Variants in DNER observed in about 807,000 individuals in gnomAD.
The protein encoded by DNER is delta/notch like EGF repeat containing, also known as delta and Notch-like epidermal growth factor-related receptor.
Under a neutral mutation model 78.2 loss-of-function variants are expected in DNER, and 33 were observed. That is an observed-to-expected ratio of 0.42 (90% CI 0.32 to 0.56). The LOEUF (loss-of-function observed/expected upper bound fraction) is 0.56. DNER is among the 20% of genes least tolerant of loss of function. DNER has a pLI of 0.11. For synonymous variants in DNER, 417 were observed against 384.8 expected, an observed-to-expected ratio of 1.08 and a Z score of -0.98; for missense variants, 918 against 975.3, an observed-to-expected ratio of 0.94 and a Z score of 0.78.
intron 6 of DNER, among the ~76,000 whole-genome samples, chr2:229,504,365 A>G (rs1987685): frequency 0.4 from 60,398 of 151,766 alleles, 12,148 homozygotes; most frequent in South Asian, 0.47. Flanking sequence ...GATTACAGGC[A>G]CCCACCACCA....
At chr2:229,698,031 GTATC>G (rs1699688044) in intron 1 of DNER, among the ~76,000 whole-genome samples, 10 of 152,006 alleles carry the variant, frequency 6.6e-5, no homozygotes, top group African/African-American at 2.4e-4. Flanking sequence ...AAGGACCCCC[GTATC>G]TACAAAAATA....
intron 4 of DNER, among the ~76,000 whole-genome samples, chr2:229,581,744 C>T (rs879420216): frequency 3.9e-5 from 6 of 152,156 alleles, no homozygotes; most frequent in African/African-American, 1.4e-4. Flanking sequence ...ATTAGGCTCT[C>T]GGCAATAAAC....
chr2:229,551,565 CA>C (rs1696737013), intron 4 of DNER, among the ~76,000 whole-genome samples: 1 of 151,980 alleles, frequency 6.6e-6, no homozygotes, highest in South Asian at 2.1e-4. Context: ...ACGCAGGAGG[CA>C]GAGGTTGCAG....
chr2:229,619,017 C>T (rs1698211118), intron 1 of DNER, among the ~76,000 whole-genome samples: 1 of 152,092 alleles, frequency 6.6e-6, no homozygotes, highest in African/African-American at 2.4e-5. Context: ...ATTAGCTGGG[C>T]ACAATGACTA....
At chr2:229,629,937 T>C (rs1698406473) in intron 1 of DNER, among the ~76,000 whole-genome samples, 1 of 152,232 alleles carries the variant, frequency 6.6e-6, no homozygotes, top group African/African-American at 2.4e-5. Flanking sequence ...AGAAGGTTAT[T>C]ATGACTGGCA....
intron 9 of DNER, among the ~76,000 whole-genome samples, chr2:229,415,710 T>C (rs979541659): frequency 1.3e-5 from 2 of 152,218 alleles, no homozygotes; most frequent in African/African-American, 4.8e-5. Flanking sequence ...TCTTAGGGTA[T>C]AGGGTGCTAT....
Position 229,413,090 on chromosome 2 carries a change from T to A in DNER, c.1609+5018A>T, listed in dbSNP as rs538836535. Among the ~76,000 whole-genome samples, 12 of 152,228 alleles carry A rather than the reference T, an allele frequency of 7.9e-5. No individual in the cohort carries two copies. The East Asian group carries it at 2.3e-3, about 29-fold the overall frequency. On this transcript the variant is annotated intron_variant, in intron 9 of 12. Coordinates refer to ENST00000341772, the MANE Select transcript of DNER (RefSeq NM_139072.4). The stretch of plus-strand genomic sequence containing the variant: ...TTTTTTTCTTTAGCAGCCCAGTTTT[T>A]CTAGAAGGGCTTATTTGAAAAGAAT...
intron 8 of DNER, among the ~76,000 whole-genome samples, chr2:229,431,732 A>C (rs2106355372): frequency 6.6e-6 from 1 of 152,064 alleles, no homozygotes; most frequent in South Asian, 2.1e-4. Flanking sequence ...ACATGTATAC[A>C]TATGTAACTA....
At chr2:229,418,306 G>A (rs1693692922) in intron 8 of DNER, 76 bp from the exon 9 acceptor site, 3 of 1,587,502 alleles carry the variant, frequency 1.9e-6, no homozygotes, top group Non-Finnish European at 1.7e-6. Flanking sequence ...TGCAAGGAAG[G>A]CAGTTGGGGG....
chr2:229,416,272 C>T (rs1487925893), intron 9 of DNER, among the ~76,000 whole-genome samples: 1 of 152,188 alleles, frequency 6.6e-6, no homozygotes, highest in East Asian at 1.9e-4. Flanking sequence ...ACATTACTTT[C>T]TTCACTTCCT....
At chr2:229,707,323 C>T (rs1218967669) in intron 1 of DNER, among the ~76,000 whole-genome samples, 1 of 151,838 alleles carries the variant, frequency 6.6e-6, no homozygotes, top group Non-Finnish European at 1.5e-5. Flanking sequence ...GCGTGAACCA[C>T]AGCACCTGGC....
At chr2:229,644,101 C>T (rs1171740996) in intron 1 of DNER, among the ~76,000 whole-genome samples, 2 of 152,126 alleles carry the variant, frequency 1.3e-5, no homozygotes, top group African/African-American at 2.4e-5. Flanking sequence ...GCACCTGCCC[C>T]CAAATTTCCC....
chr2:229,472,106 T>G (rs939927314), intron 7 of DNER, among the ~76,000 whole-genome samples: 6 of 152,240 alleles, frequency 3.9e-5, no homozygotes, highest in Non-Finnish European at 8.8e-5. Context: ...AATACTTGAC[T>G]TCATAATTAC....
At chr2:229,446,352 A>G (rs1694341283) in intron 8 of DNER, among the ~76,000 whole-genome samples, 1 of 152,262 alleles carries the variant, frequency 6.6e-6, no homozygotes, top group South Asian at 2.1e-4. Context: ...CAAGACCACA[A>G]AAGTGATATT....
intron 7 of DNER, among the ~76,000 whole-genome samples, chr2:229,462,635 C>T (rs1463166300): frequency 2.6e-5 from 4 of 152,020 alleles, no homozygotes; most frequent in South Asian, 2.1e-4. Context: ...TATGAGATTC[C>T]CTGTCCATCT....
intron 6 of DNER, among the ~76,000 whole-genome samples, chr2:229,509,025 T>C (rs1314543474): frequency 1.3e-5 from 2 of 152,224 alleles, no homozygotes; most frequent in Admixed American, 6.5e-5. Context: ...GAGGAGCCTA[T>C]AAGGTTAGTT....
intron 11 of DNER, among the ~76,000 whole-genome samples, chr2:229,380,679 C>T (rs1015946987): frequency 1.3e-5 from 2 of 152,188 alleles, no homozygotes; most frequent in Non-Finnish European, 2.9e-5. Flanking sequence ...GTAATCCCAG[C>T]ACTTTGGGAG....
chr2:229,628,762 C>G (rs1241913260), intron 1 of DNER, among the ~76,000 whole-genome samples: 1 of 152,146 alleles, frequency 6.6e-6, no homozygotes, highest in Admixed American at 6.5e-5. Flanking sequence ...AAGTCAACAG[C>G]TCGTAATCTT....
At chr2:229,563,887 A>ATCC (rs1697031863) in intron 4 of DNER, among the ~76,000 whole-genome samples, 1 of 142,928 alleles carries the variant, frequency 7.0e-6, no homozygotes, top group Non-Finnish European at 1.5e-5. Flanking sequence ...CATCATCGTC[A>ATCC]TCACCCCATC....
Sources: allele counts gnomAD v4.1 joint callset (sites outside exome capture counted in the v4.1 genomes callset), GRCh38; gene constraint gnomAD v4.1.1; transcripts MANE v1.5; gene names NCBI Gene and HGNC (gene_info 2026-07-23, HGNC 2026-07-21).